Variants in CSMD1 observed in about 807,000 individuals in gnomAD.
The protein encoded by CSMD1 is CUB and Sushi multiple domains 1.
In CSMD1, 213 loss-of-function variants were observed where a neutral mutation model predicts 417.5. The observed-to-expected ratio is 0.51, with a 90% CI of 0.46 to 0.57. The LOEUF (loss-of-function observed/expected upper bound fraction) is 0.57, where lower values mean the gene tolerates loss of function less well. CSMD1 is among the 20% of genes least tolerant of loss of function. The pLI is 0.00. For synonymous variants in CSMD1, 2,862 were observed against 1,736.8 expected (o/e 1.65, Z -16.11); for missense variants, 6,923 against 4,529.7 (o/e 1.53, Z -15.17).
intron 10 of CSMD1, among the ~76,000 whole-genome samples, chr8:3,528,950 G>A (rs1168193035): frequency 1.3e-5 from 2 of 152,102 alleles, no homozygotes; most frequent in Non-Finnish European, 2.9e-5. Context: ...ATAATTACAT[G>A]CCAGTGAAAA....
At chr8:4,178,534 C>T (rs1490869808) in intron 3 of CSMD1, among the ~76,000 whole-genome samples, 8 of 150,880 alleles carry the variant, frequency 5.3e-5, no homozygotes, top group South Asian at 2.1e-4. Context: ...ACAGGGATGC[C>T]CTCTCTCACC....
At chr8:4,317,146 T>C (rs2128881938) in intron 3 of CSMD1, among the ~76,000 whole-genome samples, 1 of 152,292 alleles carries the variant, frequency 6.6e-6, no homozygotes, top group African/African-American at 2.4e-5. Context: ...GGTTGAATAA[T>C]AATCCCCAAA....
intron 3 of CSMD1, among the ~76,000 whole-genome samples, chr8:4,397,489 T>G (rs1305575047): frequency 6.7e-6 from 1 of 149,768 alleles, no homozygotes; most frequent in Non-Finnish European, 1.5e-5. Context: ...GAAACTTCTG[T>G]GTGCCCATGA....
intron 3 of CSMD1, among the ~76,000 whole-genome samples, chr8:4,128,984 G>C (rs1304908635): frequency 1.3e-5 from 2 of 149,910 alleles, no homozygotes; most frequent in African/African-American, 4.9e-5. Context: ...GCTGAGGCAG[G>C]AGAGTTGCTT....
intron 1 of CSMD1, chr8:4,787,511 T>A: frequency 8.8e-6 from 9 of 1,024,616 alleles, no homozygotes; most frequent in Non-Finnish European, 1.4e-5. Context: ...TATTTTTCAG[T>A]TATTATAGGA....
At chr8:3,951,425 T>G (rs1041273214) in intron 5 of CSMD1, among the ~76,000 whole-genome samples, 3 of 152,224 alleles carry the variant, frequency 2.0e-5, no homozygotes, top group Non-Finnish European at 4.4e-5. Context: ...TAACTTAAAC[T>G]CTGTTCATTA....
At chr8:4,276,080 A>G (rs1796469744) in intron 3 of CSMD1, among the ~76,000 whole-genome samples, 1 of 152,200 alleles carries the variant, frequency 6.6e-6, no homozygotes, top group Non-Finnish European at 1.5e-5. Context: ...TTAAGGATCT[A>G]GAACTTGAAA....
At chr8:4,471,938 G>C (rs1239543603) in intron 2 of CSMD1, among the ~76,000 whole-genome samples, 1 of 152,140 alleles carries the variant, frequency 6.6e-6, no homozygotes, top group Non-Finnish European at 1.5e-5. Flanking sequence ...GGACTTTATA[G>C]AGGGTGCAAA....
Position 4,706,188 on chromosome 8 carries a change from T to C in CSMD1, c.86-68630A>G, listed in dbSNP as rs199646378. On this transcript the variant is annotated intron_variant, in intron 1 of 69. Transcript: ENST00000635120. The stretch of plus-strand genomic sequence containing the variant: ...ACTGTACATATATATTTTTTCAATA[T>C]ATTTTTTCCAAAATATTTCTAATAT... Among the ~76,000 whole-genome samples the C allele has an allele frequency of 1.2e-4, 18 of 151,662 alleles. No homozygotes were observed. In the East Asian group the frequency reaches 1.9e-3, roughly 16 times the overall value.
At chr8:4,152,154 G>A (rs969210157) in intron 3 of CSMD1, among the ~76,000 whole-genome samples, 7 of 152,148 alleles carry the variant, frequency 4.6e-5, no homozygotes, top group Non-Finnish European at 7.4e-5. Flanking sequence ...GTTTGAAATT[G>A]GATAATTTAT....
chr8:3,475,706 A>T (rs573851991), intron 11 of CSMD1, among the ~76,000 whole-genome samples: 63 of 152,328 alleles, frequency 4.1e-4, no homozygotes, highest in East Asian at 3.7e-3. Context: ...GTCAGTATCG[A>T]TGTTGAACTG....
At chr8:4,626,264 C>G (rs1202996069) in intron 2 of CSMD1, among the ~76,000 whole-genome samples, 1 of 152,060 alleles carries the variant, frequency 6.6e-6, no homozygotes, top group East Asian at 1.9e-4. Flanking sequence ...TGCTTCCTCT[C>G]TGATTCTCTC....
At chr8:4,426,831 ATACTATATTATG>A (rs1797588097) in intron 2 of CSMD1, among the ~76,000 whole-genome samples, 1 of 150,844 alleles carries the variant, frequency 6.6e-6, no homozygotes, top group Admixed American at 6.6e-5. Context: ...GATACATAGT[ATACTATATTATG>A]TACTATATTA....
chr8:4,178,374 T>G (rs1345352494), intron 3 of CSMD1, among the ~76,000 whole-genome samples: 7 of 150,618 alleles, frequency 4.6e-5, no homozygotes, highest in African/African-American at 1.5e-4. Flanking sequence ...TTGACAAAAT[T>G]CAACAACCCT....
chr8:3,050,364 T>A (rs139129494), intron 50 of CSMD1, among the ~76,000 whole-genome samples: 1 of 152,334 alleles, frequency 6.6e-6, no homozygotes, highest in East Asian at 1.9e-4. Context: ...ATGAGTTTTG[T>A]AGATAAGCTA....
At chr8:4,031,409 C>T (rs1012138036) in intron 4 of CSMD1, among the ~76,000 whole-genome samples, 4 of 152,142 alleles carry the variant, frequency 2.6e-5, no homozygotes, top group Admixed American at 2.6e-4. Flanking sequence ...TGCAGGGGAA[C>T]TCCTCTTTTT....
chr8:4,125,627 C>G (rs919089459), intron 3 of CSMD1, among the ~76,000 whole-genome samples: 1 of 152,188 alleles, frequency 6.6e-6, no homozygotes, highest in African/African-American at 2.4e-5. Flanking sequence ...ATGTCAGTGA[C>G]AGAAATCAGA....
At chr8:3,946,187 C>G (rs913160978) in intron 5 of CSMD1, among the ~76,000 whole-genome samples, 12 of 152,132 alleles carry the variant, frequency 7.9e-5, no homozygotes, top group African/African-American at 2.4e-4. Context: ...AAGAATAAAT[C>G]TCAGTGGTTT....
rs373836325 is a variant in CSMD1 at position 3,942,280 on chromosome 8, G to T, written c.818+55623C>A. On this transcript the variant is annotated intron_variant, in intron 5 of 69. Coordinates refer to ENST00000635120, the MANE Select transcript of CSMD1 (RefSeq NM_033225.6). The stretch of plus-strand genomic sequence containing the variant: ...ACTGCACCATAAATGTAATGCGCTT[G>T]AATCATCCTGAAACCAATCCCTCCT... Among the ~76,000 whole-genome samples the T allele has an allele frequency of 5.3e-5, 8 of 152,158 alleles. No individual in the cohort carries two copies. In the East Asian group the frequency reaches 1.4e-3, roughly 26 times the overall value.
Sources: allele counts gnomAD v4.1 joint callset (sites outside exome capture counted in the v4.1 genomes callset), GRCh38; gene constraint gnomAD v4.1.1; transcripts MANE v1.5; gene names NCBI Gene and HGNC (gene_info 2026-07-23, HGNC 2026-07-21).